TASOR: variants seen among roughly 807,000 people sequenced by gnomAD.
TASOR encodes protein TASOR.
Under a neutral mutation model 178.6 loss-of-function variants are expected in TASOR, and 53 were observed. The ratio of observed to expected loss-of-function variants is 0.30; its 90% CI spans 0.24 to 0.37. The LOEUF (loss-of-function observed/expected upper bound fraction) is 0.37, where lower values mean the gene tolerates loss of function less well. TASOR is among the 10% of genes least tolerant of loss of function. The pLI is 1.00. For synonymous variants in TASOR, 713 were observed against 696.2 expected (o/e 1.02, Z -0.38); for missense variants, 1,815 against 1,971.4 (o/e 0.92, Z 1.50).
intron 14 of TASOR, among the ~76,000 whole-genome samples, chr3:56,646,034 G>C (rs556115151): frequency 6.6e-6 from 1 of 152,262 alleles, no homozygotes; most frequent in Admixed American, 6.5e-5. Context: ...TGCAGTCCCA[G>C]CTACTCGGGA....
At chr3:56,643,414 G>A (rs2077168728) in intron 14 of TASOR, among the ~76,000 whole-genome samples, 1 of 151,952 alleles carries the variant, frequency 6.6e-6, no homozygotes, top group Non-Finnish European at 1.5e-5. Flanking sequence ...TGGGTTAGGA[G>A]GTTACCTCAT....
In TASOR at chr3:56,623,332, G is replaced by C; in HGVS notation, c.4718C>G (p.Ser1573Cys). 6.2e-7 allele frequency: 1 copy of C among 1,613,404 alleles called. No individual in the cohort carries two copies. The highest frequency in any genetic ancestry group is 8.5e-7 in the Non-Finnish European group (1 of 1,179,946). Reference sequence around the variant, plus strand: ...TCCTTCAGAGCATACTATATCAATAGAAGTTCTCTCTTCAGAATCAAGGTA... The same window carrying C: ...TCCTTCAGAGCATACTATATCAATACAAGTTCTCTCTTCAGAATCAAGGTA... ...KTYLDSEERT[S>C]IDIVCSEGEN... The change falls in exon 24 of 24, where the codon TCT becomes TGT. Residue 1573 changes from serine (S) to cysteine (C), a missense_variant. By Grantham distance (112) the Ser-to-Cys change is moderately radical. Coordinates refer to ENST00000683822, the MANE Select transcript of TASOR (RefSeq NM_001365635.2).
In TASOR at chr3:56,673,807, T is replaced by A. The variant is rs567211621; in HGVS notation, c.332-82A>T. 3 of 1,186,266 alleles carry A rather than the reference T, an allele frequency of 2.5e-6. 1 individual carries two copies. The highest frequency in any genetic ancestry group is 3.6e-5 in the South Asian group (2 of 56,288). 73.5% of individuals were successfully genotyped at this position (1,186,266 alleles called of 1,614,324 possible). On this transcript the variant is annotated intron_variant, in intron 1 of 23. Coordinates refer to ENST00000683822, the MANE Select transcript of TASOR (RefSeq NM_001365635.2). ...CTTTTTATATTTTTGTGGGTTAATG[T>A]AACTTTAAATACCATGAAAAAAGGC...
chr3:56,630,484 G>A (rs2076885888), intron 18 of TASOR, among the ~76,000 whole-genome samples: 1 of 152,164 alleles, frequency 6.6e-6, no homozygotes, highest in South Asian at 2.1e-4. Context: ...TGACAGAAAT[G>A]ACTTATTCTA....
At chr3:56,674,432 C>T (rs1020919665) in intron 1 of TASOR, among the ~76,000 whole-genome samples, 7 of 151,842 alleles carry the variant, frequency 4.6e-5, no homozygotes, top group Non-Finnish European at 8.8e-5. Flanking sequence ...ATCCTTTGAG[C>T]CCAGGAGTTC....
Position 56,620,233 on chromosome 3 carries a change from T to C in TASOR, c.*2804A>G, listed in dbSNP as rs2076219679. The C allele has an allele frequency of 3.0e-5, 5 of 164,752 alleles. No individual in the cohort carries two copies. The highest frequency in any genetic ancestry group is 2.6e-5 in the Non-Finnish European group (2 of 75,924). 10.2% of individuals were successfully genotyped at this position (164,752 alleles called of 1,614,324 possible). ...AAAATACAGTTATGCTTTAACAAATTCTTAGCAATGTGGCCCACGCTTTTT... is the reference window on the plus strand; with the variant it reads ...AAAATACAGTTATGCTTTAACAAATCCTTAGCAATGTGGCCCACGCTTTTT... On this transcript the variant is annotated 3_prime_UTR_variant, in exon 24 of 24. Coordinates refer to ENST00000683822, the MANE Select transcript of TASOR (RefSeq NM_001365635.2).
intron 1 of TASOR, among the ~76,000 whole-genome samples, chr3:56,682,352 C>T (rs2031869422): frequency 6.8e-6 from 1 of 146,128 alleles, no homozygotes; most frequent in Non-Finnish European, 1.5e-5. Flanking sequence ...TAGGAGGACA[C>T]AACGGCTTCT....
chr3:56,667,061 G>A (rs1483014854), intron 6 of TASOR, among the ~76,000 whole-genome samples: 1 of 152,134 alleles, frequency 6.6e-6, no homozygotes, highest in Non-Finnish European at 1.5e-5. Flanking sequence ...CTCTAAAAAT[G>A]GCTGGAGTTT....
At chr3:56,623,783 C>A in intron 23 of TASOR, 2 of 1,551,108 alleles carry the variant, frequency 1.3e-6, no homozygotes, top group South Asian at 2.4e-5. Context: ...GAAATGTGTT[C>A]ACGTTTAATG....
In TASOR at chr3:56,633,531, G is replaced by A. The variant is rs772071963; in HGVS notation, c.3260C>T (p.Thr1087Ile). The change falls in exon 18 of 24, where the codon ACT becomes ATT. Residue 1087 changes from threonine to isoleucine, a missense_variant. Transcript: ENST00000683822. ...CTTGGCTGATGCTTTAATAATAATA[G>A]TATTTAGCTTCTCATGCAAACCATC... ...FVDGLHEKLN[T>I]IIIKASAKGG... 16 of 1,613,988 alleles carry A rather than the reference G, an allele frequency of 9.9e-6. No homozygotes were observed. Among genetic ancestry groups the A allele is most frequent in the South Asian group, 8.8e-5 (8 of 91,086 alleles).
chr3:56,638,365 CA>C (rs1403171092), intron 17 of TASOR, among the ~76,000 whole-genome samples: 1 of 151,642 alleles, frequency 6.6e-6, no homozygotes, highest in Non-Finnish European at 1.5e-5. Flanking sequence ...GCTTCCATCT[CA>C]AAAAAACCAA....
At chr3:56,681,106 A>T (rs76854961) in intron 1 of TASOR, among the ~76,000 whole-genome samples, 1 of 150,054 alleles carries the variant, frequency 6.7e-6, no homozygotes, top group Non-Finnish European at 1.5e-5. Context: ...AAAAAAAAAA[A>T]TCACGGTTTG....
At chr3:56,660,335 C>T (rs2077566525) in intron 11 of TASOR, among the ~76,000 whole-genome samples, 1 of 151,610 alleles carries the variant, frequency 6.6e-6, no homozygotes, top group Admixed American at 6.6e-5. Context: ...ACTAAAAATA[C>T]AAAAATCAGC....
intron 1 of TASOR, among the ~76,000 whole-genome samples, chr3:56,682,362 T>C (rs2031870213): frequency 6.6e-6 from 1 of 151,766 alleles, no homozygotes; most frequent in Admixed American, 6.6e-5. Context: ...CAACGGCTTC[T>C]CTGCTTTCAG....
chr3:56,645,808 C>G (rs888160500), intron 14 of TASOR, among the ~76,000 whole-genome samples: 3 of 152,178 alleles, frequency 2.0e-5, no homozygotes, highest in Non-Finnish European at 4.4e-5. Flanking sequence ...TATGCAACAG[C>G]CTAAAAGATA....
chr3:56,642,729 C>T (rs2077151032), intron 14 of TASOR, among the ~76,000 whole-genome samples: 1 of 152,120 alleles, frequency 6.6e-6, no homozygotes, highest in African/African-American at 2.4e-5. Flanking sequence ...AATCCCAGCA[C>T]TTTGGCAGGC....
intron 14 of TASOR, among the ~76,000 whole-genome samples, chr3:56,643,984 C>G (rs568637466): frequency 3.3e-5 from 5 of 152,216 alleles, no homozygotes; most frequent in East Asian, 3.9e-4. Context: ...ATTGATGAAG[C>G]CTGATTTTTA....
chr3:56,664,501 T>TG (rs2077666133), intron 7 of TASOR, among the ~76,000 whole-genome samples: 2 of 152,170 alleles, frequency 1.3e-5, no homozygotes, highest in Admixed American at 1.3e-4. Context: ...TGGCTATAGA[T>TG]GGTTTCCAAG....
intron 20 of TASOR, 44 bp downstream of exon 20, chr3:56,627,536 TGA>T (rs1383789252): frequency 3.1e-6 from 5 of 1,594,672 alleles, no homozygotes; most frequent in African/African-American, 1.3e-5. Flanking sequence ...TTAAAAAGTA[TGA>T]GAGTCAGAAG....
Sources: allele counts gnomAD v4.1 joint callset (sites outside exome capture counted in the v4.1 genomes callset), GRCh38; gene constraint gnomAD v4.1.1; transcripts MANE v1.5; gene names NCBI Gene and HGNC (gene_info 2026-07-23, HGNC 2026-07-21).